Variants in DLGAP2 observed in about 807,000 individuals in gnomAD.
DLGAP2 encodes DLG associated protein 2.
Under a neutral mutation model 100.3 loss-of-function variants are expected in DLGAP2, and 26 were observed. The observed-to-expected ratio is 0.26, with a 90% CI of 0.19 to 0.36. DLGAP2 has a LOEUF of 0.36. Ranked by LOEUF, DLGAP2 falls within the 10% of genes least tolerant of loss-of-function variation. The pLI is 1.00. For synonymous variants in DLGAP2, 886 were observed against 630.1 expected (o/e 1.41, Z -6.08); for missense variants, 1,858 against 1,453.2 (o/e 1.28, Z -4.53).
intron 2 of DLGAP2, among the ~76,000 whole-genome samples, chr8:1,100,401 C>T (rs1010017431): frequency 6.7e-6 from 1 of 148,922 alleles, no homozygotes; most frequent in African/African-American, 2.5e-5. Context: ...GTAGGGAAAA[C>T]CTTTGTCCAG....
intron 1 of DLGAP2, among the ~76,000 whole-genome samples, chr8:896,923 C>G (rs947165004): frequency 1.3e-5 from 2 of 152,092 alleles, no homozygotes; most frequent in South Asian, 4.1e-4. Flanking sequence ...TACTTCAGCC[C>G]GAGGAGATGC....
At chr8:1,047,994 G>C (rs1003023301) in intron 2 of DLGAP2, among the ~76,000 whole-genome samples, 2 of 152,102 alleles carry the variant, frequency 1.3e-5, no homozygotes, top group African/African-American at 4.8e-5. Flanking sequence ...ACCTTAGACC[G>C]TTAAGGCCTG....
At chr8:1,368,525 T>A (rs1371788752) in intron 3 of DLGAP2, 1 of 152,166 alleles carries the variant, frequency 6.6e-6, no homozygotes, top group Non-Finnish European at 1.5e-5. Context: ...TAAATATTTA[T>A]AGAATATACC....
At chr8:1,302,545 A>G (rs1800379928) in intron 3 of DLGAP2, 1 of 150,028 alleles carries the variant, frequency 6.7e-6, no homozygotes, top group South Asian at 2.1e-4. Context: ...CCGGGACTGG[A>G]CTCAGTATTT....
intron 6 of DLGAP2, among the ~76,000 whole-genome samples, chr8:1,583,605 G>A (rs1796019145): frequency 6.6e-6 from 1 of 152,178 alleles, no homozygotes; most frequent in Non-Finnish European, 1.5e-5. Context: ...ACCCTTCAGA[G>A]CCACTTCCTG....
chr8:1,485,578 G>C (rs1191701676), intron 3 of DLGAP2, among the ~76,000 whole-genome samples: 1 of 152,206 alleles, frequency 6.6e-6, no homozygotes, highest in Non-Finnish European at 1.5e-5. Flanking sequence ...TGGCGACGCT[G>C]GTTTATCCCC....
chr8:1,241,743 G>A (rs974432372), intron 2 of DLGAP2, among the ~76,000 whole-genome samples: 4 of 41,236 alleles, frequency 9.7e-5, no homozygotes, highest in African/African-American at 4.6e-4. Flanking sequence ...TATGTAAGTG[G>A]TGAAAAAAAA....
intron 2 of DLGAP2, among the ~76,000 whole-genome samples, chr8:1,065,574 C>G (rs1238798323): frequency 1.3e-5 from 2 of 152,174 alleles, no homozygotes; most frequent in Non-Finnish European, 2.9e-5. Context: ...GGCTCTGTGC[C>G]TTAAGAATGA....
rs1282822951 is a variant in DLGAP2 at position 1,687,706 on chromosome 8, C to CTT, written c.2705-3827_2705-3826dup. ...GTGTTAAAGAGTATAAATTGAAGTA[C>CTT]TTTGTATTAACAGTTCAGTTGAATT... On this transcript the variant is annotated intron_variant, in intron 12 of 14. Coordinates refer to ENST00000637795, the MANE Select transcript of DLGAP2 (RefSeq NM_001346810.2). Among the ~76,000 whole-genome samples the CTT allele has an allele frequency of 3.9e-5, 6 of 152,260 alleles. 1 individual carries two copies. Among genetic ancestry groups the CTT allele is most frequent in the Admixed American group, 2.6e-4 (4 of 15,302 alleles).
intron 1 of DLGAP2, among the ~76,000 whole-genome samples, chr8:783,311 A>C (rs1199123507): frequency 6.6e-6 from 1 of 152,180 alleles, no homozygotes; most frequent in African/African-American, 2.4e-5. Flanking sequence ...GGAGAGAAGG[A>C]GGTTAAGGAA....
intron 2 of DLGAP2, among the ~76,000 whole-genome samples, chr8:1,003,530 G>T (rs193185384): frequency 2.0e-3 from 299 of 152,320 alleles, no homozygotes; most frequent in Admixed American, 0.017. Context: ...TGAATAATAA[G>T]CCATCTCAAC....
At chr8:1,351,670 TG>T (rs1801729454) in intron 3 of DLGAP2, among the ~76,000 whole-genome samples, 1 of 58,890 alleles carries the variant, frequency 1.7e-5, no homozygotes, top group Non-Finnish European at 3.3e-5. Flanking sequence ...CCTGACTGTG[TG>T]TGGAACGGCC....
At chr8:1,124,028 T>G (rs74322909) in intron 2 of DLGAP2, among the ~76,000 whole-genome samples, 1 of 152,290 alleles carries the variant, frequency 6.6e-6, no homozygotes, top group South Asian at 2.1e-4. Context: ...TAAAAAAAAT[T>G]CAGCCCTTCA....
intron 6 of DLGAP2, among the ~76,000 whole-genome samples, chr8:1,604,962 G>A (rs1796749223): frequency 6.6e-6 from 1 of 152,228 alleles, no homozygotes; most frequent in Non-Finnish European, 1.5e-5. Flanking sequence ...CTTGTGTCGT[G>A]TGTGGAGTAC....
At chr8:979,195 A>C (rs190698141) in intron 2 of DLGAP2, among the ~76,000 whole-genome samples, 2 of 152,346 alleles carry the variant, frequency 1.3e-5, no homozygotes, top group African/African-American at 2.4e-5. Context: ...ACAAAGGAAC[A>C]TAATGGCACC....
chr8:814,376 G>C (rs1796424923), intron 1 of DLGAP2, among the ~76,000 whole-genome samples: 1 of 152,102 alleles, frequency 6.6e-6, no homozygotes, highest in Admixed American at 6.5e-5. Flanking sequence ...GTAATTCATT[G>C]AATCCTTACA....
chr8:1,443,746 G>A (rs1410505581), intron 3 of DLGAP2, among the ~76,000 whole-genome samples: 1 of 152,012 alleles, frequency 6.6e-6, no homozygotes, highest in African/African-American at 2.4e-5. Flanking sequence ...GAAGAGTATG[G>A]GGGAAACTGC....
chr8:1,355,832 C>G (rs1311724599), intron 3 of DLGAP2, among the ~76,000 whole-genome samples: 1 of 152,198 alleles, frequency 6.6e-6, no homozygotes, highest in African/African-American at 2.4e-5. Flanking sequence ...GCCCACCAGC[C>G]AGTCCCTCAA....
At chr8:1,356,004 TC>T (rs1429490285) in intron 3 of DLGAP2, among the ~76,000 whole-genome samples, 1 of 152,048 alleles carries the variant, frequency 6.6e-6, no homozygotes, top group Non-Finnish European at 1.5e-5. Context: ...TTTGTGTATT[TC>T]CCCCCTCCCT....
Sources: allele counts gnomAD v4.1 joint callset (sites outside exome capture counted in the v4.1 genomes callset), GRCh38; gene constraint gnomAD v4.1.1; transcripts MANE v1.5; gene names NCBI Gene and HGNC (gene_info 2026-07-23, HGNC 2026-07-21).